The following PTP4A1 variants were observed in gnomAD, a reference collection of about 807,000 sequenced individuals.
The protein encoded by PTP4A1 is protein tyrosine phosphatase 4A1, also known as protein tyrosine phosphatase type IVA 1.
PTP4A1 carries 9 observed loss-of-function variants against 20.5 expected under a neutral mutation model. The ratio of observed to expected loss-of-function variants is 0.44; its 90% CI spans 0.26 to 0.77. The LOEUF is 0.77. Among genes scored for constraint, PTP4A1 ranks in the 30% least tolerant of loss-of-function variants. PTP4A1 has a pLI of 0.19. For synonymous variants in PTP4A1, 78 were observed against 67.4 expected (o/e 1.16, Z -0.77); for missense variants, 137 against 218.8 (o/e 0.63, Z 2.36).
chr6:63,581,925 A>C lies in PTP4A1; in HGVS notation c.*1751A>C, dbSNP rs921983051. 2.0e-5 allele frequency: 3 copies of C among 152,312 alleles called. No homozygotes were observed. The East Asian group carries it at 5.8e-4, about 29-fold the overall frequency. The allele number at this position is 152,312 out of a possible 1,614,324, so 9.4% of individuals were successfully genotyped here. A position where few individuals can be genotyped will look rare whatever the true frequency, so the allele number is the denominator to read the frequency against. The stretch of plus-strand genomic sequence containing the variant: ...ATAATCCCTTTGATCACGTTAATCT[A>C]AATCTAGATGTCTTTGTCTAATTTT... On this transcript the variant is annotated 3_prime_UTR_variant, in exon 6 of 6. Transcript: ENST00000626021.
intron 2 of PTP4A1, among the ~76,000 whole-genome samples, chr6:63,548,497 G>A (rs372916168): frequency 1.3e-5 from 2 of 152,248 alleles, no homozygotes; most frequent in African/African-American, 4.8e-5. Context: ...TGTCTCCATC[G>A]TAGCAGCCTG....
chr6:63,576,833 T>G lies in PTP4A1; in HGVS notation c.-48T>G, dbSNP rs1250527488. ...CTTTGCATCATTTCTGTATTCAATT[T>G]TTTTAATTATTTCATAACCCTATTG... On this transcript the variant is annotated 5_prime_UTR_variant, in exon 2 of 6. Coordinates refer to ENST00000626021, the MANE Select transcript of PTP4A1 (RefSeq NM_003463.5). 6.8e-7 allele frequency: 1 copy of G among 1,472,530 alleles called. No individual in the cohort carries two copies. The highest frequency in any genetic ancestry group is 1.2e-5 in the South Asian group (1 of 83,750). The allele number at this position is 1,472,530 out of a possible 1,614,324, so 91.2% of individuals were successfully genotyped here.
At chr6:63,560,283 A>G (rs1193489830) in intron 3 of PTP4A1, among the ~76,000 whole-genome samples, 1 of 143,518 alleles carries the variant, frequency 7.0e-6, no homozygotes, top group African/African-American at 2.6e-5. Flanking sequence ...GGTTAAAGTG[A>G]GCTGAGATCA....
chr6:63,547,154 G>GAA (rs1776227031), intron 2 of PTP4A1, among the ~76,000 whole-genome samples: 1 of 151,598 alleles, frequency 6.6e-6, no homozygotes, highest in Non-Finnish European at 1.5e-5. Context: ...ATGCCTTTCA[G>GAA]GAGTTCAGAA....
intron 3 of PTP4A1, among the ~76,000 whole-genome samples, chr6:63,553,272 T>A (rs1776530496): frequency 6.6e-6 from 1 of 152,216 alleles, no homozygotes; most frequent in African/African-American, 2.4e-5. Context: ...AAGGCTGAAA[T>A]TTTGTACCCA....
intron 2 of PTP4A1, among the ~76,000 whole-genome samples, chr6:63,537,418 A>T (rs182489804): frequency 6.6e-6 from 1 of 152,178 alleles, no homozygotes; most frequent in African/African-American, 2.4e-5. Context: ...TTCAACACCA[A>T]TGCCCAGGCC....
chr6:63,568,002 A>G (rs1203994981), upstream of PTP4A1, among the ~76,000 whole-genome samples: 2 of 152,234 alleles, frequency 1.3e-5, no homozygotes, highest in Admixed American at 1.3e-4. Flanking sequence ...CATAAAAATG[A>G]AGAGAGTTAA....
chr6:63,518,413 A>C (rs1219017644), upstream of PTP4A1, among the ~76,000 whole-genome samples: 1 of 152,202 alleles, frequency 6.6e-6, no homozygotes, highest in African/African-American at 2.4e-5. Flanking sequence ...TTAACTAAAA[A>C]ATTATCATTT....
upstream of PTP4A1, among the ~76,000 whole-genome samples, chr6:63,568,107 G>GT: frequency 6.6e-6 from 1 of 152,324 alleles, no homozygotes; most frequent in African/African-American, 2.4e-5. Context: ...CAATGAGGCT[G>GT]TTTCACTTTC....
At position 63,581,435 on chromosome 6, in the gene PTP4A1, T is replaced by C. The variant is rs1371125557; in HGVS notation, c.*1261T>C. ...GCGAGAGCTGAAACATCTAAATAAA[T>C]AATGACATGCATTTATCATCATTGA... On this transcript the variant is annotated 3_prime_UTR_variant, in exon 6 of 6. Transcript: ENST00000626021. 1 of 152,588 alleles carries C rather than the reference T, an allele frequency of 6.6e-6. No homozygotes were observed. The highest frequency in any genetic ancestry group is 1.5e-5 in the Non-Finnish European group (1 of 68,008). 9.5% of individuals were successfully genotyped at this position (152,588 alleles called of 1,614,324 possible). A position where few individuals can be genotyped will look rare whatever the true frequency, so the allele number is the denominator to read the frequency against.
Position 63,576,716 on chromosome 6 carries a change from T to G in PTP4A1, c.-165T>G, listed in dbSNP as rs544837816. On this transcript the variant is annotated 5_prime_UTR_variant, in exon 2 of 6. Coordinates refer to ENST00000626021, the MANE Select transcript of PTP4A1 (RefSeq NM_003463.5). ...TGGATTGAAGAATTGCTGCTTCTTGTTAGGAGGTTCATTTCACTTATCATT... is the reference window on the plus strand; with the variant it reads ...TGGATTGAAGAATTGCTGCTTCTTGGTAGGAGGTTCATTTCACTTATCATT... 7 of 623,938 alleles carry G rather than the reference T, an allele frequency of 1.1e-5. No individual in the cohort carries two copies. Among genetic ancestry groups the G allele is most frequent in the Non-Finnish European group, 1.7e-5 (6 of 358,134 alleles). 38.7% of individuals were successfully genotyped at this position (623,938 alleles called of 1,614,324 possible).
intron 3 of PTP4A1, among the ~76,000 whole-genome samples, chr6:63,560,005 G>C (rs1290777036): frequency 6.6e-6 from 1 of 152,154 alleles, no homozygotes; most frequent in Non-Finnish European, 1.5e-5. Context: ...ATCACGGAAT[G>C]GCCTCATTCA....
upstream of PTP4A1, chr6:63,571,403 C>G (rs780504727): frequency 7.2e-5 from 11 of 152,168 alleles, no homozygotes; most frequent in Non-Finnish European, 1.2e-4. Context: ...CTGTTTGGTC[C>G]TTCTCCAGAG....
chr6:63,545,576 A>C (rs544830095), intron 2 of PTP4A1, among the ~76,000 whole-genome samples: 1 of 151,962 alleles, frequency 6.6e-6, no homozygotes, highest in Admixed American at 6.6e-5. Flanking sequence ...ATGCCATTGC[A>C]CTCCAGCCTG....
chr6:63,568,765 G>A (rs542478546), upstream of PTP4A1, among the ~76,000 whole-genome samples: 33 of 151,908 alleles, frequency 2.2e-4, no homozygotes, highest in Non-Finnish European at 1.0e-4. Flanking sequence ...TATAAAATAG[G>A]CTGTTCTAAA....
At chr6:63,557,924 C>A (rs1378563653) in intron 3 of PTP4A1, among the ~76,000 whole-genome samples, 1 of 151,250 alleles carries the variant, frequency 6.6e-6, no homozygotes, top group East Asian at 1.9e-4. Flanking sequence ...GAGTCTTGCT[C>A]TGTCACCCAG....
At chr6:63,539,184 G>A (rs961255794) in intron 2 of PTP4A1, among the ~76,000 whole-genome samples, 5 of 152,054 alleles carry the variant, frequency 3.3e-5, no homozygotes, top group Non-Finnish European at 4.4e-5. Flanking sequence ...ATGAGCCACC[G>A]TGCCTGGCCT....
chr6:63,576,527 A>G lies in PTP4A1; in HGVS notation c.-354A>G, dbSNP rs1015267104. The G allele has an allele frequency of 7.1e-6, 3 of 422,712 alleles. No homozygotes were observed. Among genetic ancestry groups the G allele is most frequent in the African/African-American group, 6.1e-5 (3 of 48,788 alleles). 26.2% of individuals were successfully genotyped at this position (422,712 alleles called of 1,614,324 possible). On this transcript the variant is annotated 5_prime_UTR_variant, in exon 2 of 6. Transcript: ENST00000626021. Reference sequence around the variant, plus strand: ...GCACAGCACGACCTCTATGCAGACAAGTGAACTGTAGAAACTGATTACTGC... The same window carrying G: ...GCACAGCACGACCTCTATGCAGACAGGTGAACTGTAGAAACTGATTACTGC...
intron 2 of PTP4A1, among the ~76,000 whole-genome samples, chr6:63,545,336 G>A (rs1776136127): frequency 6.6e-6 from 1 of 152,186 alleles, no homozygotes; most frequent in Non-Finnish European, 1.5e-5. Context: ...TAGGCTGGGT[G>A]TGGTGGCTCA....
Sources: allele counts gnomAD v4.1 joint callset (sites outside exome capture counted in the v4.1 genomes callset), GRCh38; gene constraint gnomAD v4.1.1; transcripts MANE v1.5; gene names NCBI Gene and HGNC (gene_info 2026-07-23, HGNC 2026-07-21).